The following STRN3 variants were observed in gnomAD, a reference collection of about 807,000 sequenced individuals.
The protein encoded by STRN3 is striatin 3, also known as striatin-3.
A neutral mutation model predicts 95.6 loss-of-function variants in STRN3; 29 were observed. That is an observed-to-expected ratio of 0.30 (90% CI 0.23 to 0.41). The LOEUF is 0.41. Among genes scored for constraint, STRN3 ranks in the 10% least tolerant of loss-of-function variants. The pLI is 1.00. For missense variants in STRN3, 890 were observed against 972.1 expected, an observed-to-expected ratio of 0.92 and a Z score of 1.12; for synonymous variants, 331 against 357.6, an observed-to-expected ratio of 0.93 and a Z score of 0.84.
At position 31,021,403 on chromosome 14, in the gene STRN3, T is replaced by C. The variant is rs116324187; in HGVS notation, c.282+4501A>G. Among the ~76,000 whole-genome samples the C allele has an allele frequency of 5.4e-3, 830 of 152,314 alleles. 9 individuals carry two copies. The highest frequency in any genetic ancestry group is 0.019 in the African/African-American group (781 of 41,578). On this transcript the variant is annotated intron_variant, in intron 1 of 17. Transcript: ENST00000357479. ...AAAAATAAAAAAAAGACACCAATTA[T>C]ACCTGTATCAACCTCACTGAGTTGT...
intron 7 of STRN3, among the ~76,000 whole-genome samples, chr14:30,933,822 T>G (rs1046970740): frequency 6.6e-6 from 1 of 152,360 alleles, no homozygotes; most frequent in East Asian, 1.9e-4. Context: ...TCAAATCTTT[T>G]AAGTACTTGA....
At chr14:30,971,263 A>G (rs1230835935) in intron 1 of STRN3, among the ~76,000 whole-genome samples, 3 of 152,218 alleles carry the variant, frequency 2.0e-5, no homozygotes, top group African/African-American at 7.2e-5. Context: ...CCAATTGGCT[A>G]TCCCTTTCAC....
At chr14:30,982,395 C>T (rs1881455292) in intron 1 of STRN3, among the ~76,000 whole-genome samples, 1 of 152,136 alleles carries the variant, frequency 6.6e-6, no homozygotes, top group Non-Finnish European at 1.5e-5. Flanking sequence ...GCAACCTCCG[C>T]ATCCCGGGTT....
At chr14:31,003,749 T>G (rs1247984342) in intron 1 of STRN3, among the ~76,000 whole-genome samples, 2 of 123,072 alleles carry the variant, frequency 1.6e-5, no homozygotes, top group Admixed American at 1.9e-4. Flanking sequence ...GTGTTCCTTA[T>G]AGCAACACAA....
Position 30,895,185 on chromosome 14 carries a change from C to A in STRN3, c.*226G>T, listed in dbSNP as rs1896109046. 1 of 523,500 alleles carries A rather than the reference C, an allele frequency of 1.9e-6. No individual in the cohort carries two copies. The highest frequency in any genetic ancestry group is 3.3e-6 in the Non-Finnish European group (1 of 303,548). The allele number at this position is 523,500 out of a possible 1,614,324, so 32.4% of individuals were successfully genotyped here. The stretch of plus-strand genomic sequence containing the variant: ...ACGCTCAGTTCACATCCAGTACAGG[C>A]CACAAATACTGGAGTCCTTTTTTCT... On this transcript the variant is annotated 3_prime_UTR_variant, in exon 18 of 18. Transcript: ENST00000357479.
At chr14:31,008,416 G>A (rs963433471) in intron 1 of STRN3, among the ~76,000 whole-genome samples, 9 of 152,168 alleles carry the variant, frequency 5.9e-5, no homozygotes, top group African/African-American at 2.2e-4. Context: ...GCTGAGGTGG[G>A]AGGATCGAGT....
intron 5 of STRN3, among the ~76,000 whole-genome samples, chr14:30,945,111 C>G (rs1260089085): frequency 6.6e-6 from 1 of 152,116 alleles, no homozygotes; most frequent in Non-Finnish European, 1.5e-5. Context: ...ATGCTTAACT[C>G]CTTGTATTTA....
At chr14:30,961,454 T>C (rs1423463689) in intron 1 of STRN3, among the ~76,000 whole-genome samples, 2 of 152,216 alleles carry the variant, frequency 1.3e-5, no homozygotes, top group African/African-American at 2.4e-5. Flanking sequence ...AGTGAAGTTG[T>C]AGAAGTCTAG....
chr14:31,009,932 C>T (rs1052530791), intron 1 of STRN3, among the ~76,000 whole-genome samples: 1 of 151,790 alleles, frequency 6.6e-6, no homozygotes, highest in Non-Finnish European at 1.5e-5. Flanking sequence ...GACACCATCT[C>T]CATGAAAAAA....
In STRN3 at chr14:30,946,571, T is replaced by C. The variant is rs190162895; in HGVS notation, c.716+519A>G. On this transcript the variant is annotated intron_variant, in intron 5 of 17. Transcript: ENST00000357479. Reference sequence around the variant, plus strand: ...AAAACAAACACCAACTTAACATAGATAAATTTTGAAAGCCATTAAACAGAA... The same window carrying C: ...AAAACAAACACCAACTTAACATAGACAAATTTTGAAAGCCATTAAACAGAA... 2.6e-3 allele frequency among the ~76,000 whole-genome samples: 399 copies of C among 152,212 alleles called. 2 individuals carry two copies. Among genetic ancestry groups the C allele is most frequent in the Non-Finnish European group, 4.1e-3 (281 of 68,016 alleles).
intron 14 of STRN3, among the ~76,000 whole-genome samples, chr14:30,905,839 C>T (rs977380397): frequency 2.6e-5 from 4 of 152,200 alleles, no homozygotes; most frequent in Admixed American, 2.6e-4. Context: ...TGTTCTATTA[C>T]ACGTTTTCTT....
chr14:30,896,565 A>AAAGGG (rs967914548), intron 16 of STRN3, among the ~76,000 whole-genome samples: 2 of 147,652 alleles, frequency 1.4e-5, no homozygotes. Flanking sequence ...GAAAGAAAAG[A>AAAGGG]AAGGGAAGGG....
chr14:31,005,434 A>G (rs1314316863), intron 1 of STRN3, among the ~76,000 whole-genome samples: 2 of 152,268 alleles, frequency 1.3e-5, no homozygotes, highest in Non-Finnish European at 2.9e-5. Context: ...TACATAAGGT[A>G]AACATAGAGT....
At chr14:30,985,710 T>C (rs933664998) in intron 1 of STRN3, among the ~76,000 whole-genome samples, 13 of 87,770 alleles carry the variant, frequency 1.5e-4, no homozygotes, top group South Asian at 2.7e-4. Context: ...TAAATATGTA[T>C]AAATGATGAT....
intron 4 of STRN3, among the ~76,000 whole-genome samples, chr14:30,950,267 A>G (rs1334530685): frequency 6.6e-6 from 1 of 152,212 alleles, no homozygotes; most frequent in African/African-American, 2.4e-5. Flanking sequence ...GTTCTACAAG[A>G]TCAAGAGTGA....
At chr14:30,958,853 T>C (rs1022939704) in intron 1 of STRN3, among the ~76,000 whole-genome samples, 41 of 152,336 alleles carry the variant, frequency 2.7e-4, no homozygotes, top group African/African-American at 9.9e-4. Flanking sequence ...TTTCCTTTTT[T>C]TGAATTTTTG....
intron 1 of STRN3, among the ~76,000 whole-genome samples, chr14:30,998,778 A>C (rs1882316359): frequency 6.6e-6 from 1 of 152,194 alleles, no homozygotes; most frequent in African/African-American, 2.4e-5. Context: ...GGGTGGGTGA[A>C]TCTGATTTCC....
At chr14:30,948,700 G>A (rs1448160951) in intron 4 of STRN3, among the ~76,000 whole-genome samples, 1 of 152,202 alleles carries the variant, frequency 6.6e-6, no homozygotes, top group African/African-American at 2.4e-5. Flanking sequence ...GGAAGACTAT[G>A]GAGATAAACT....
chr14:30,907,279 GCTT>G (rs1298632391), intron 13 of STRN3, among the ~76,000 whole-genome samples: 1 of 149,486 alleles, frequency 6.7e-6, no homozygotes, highest in Non-Finnish European at 1.5e-5. Flanking sequence ...AGAAACATAT[GCTT>G]TTTTTTTTTT....
Sources: allele counts gnomAD v4.1 joint callset (sites outside exome capture counted in the v4.1 genomes callset), GRCh38; gene constraint gnomAD v4.1.1; transcripts MANE v1.5; gene names NCBI Gene and HGNC (gene_info 2026-07-23, HGNC 2026-07-21).